TRPM3: variants seen among roughly 807,000 people sequenced by gnomAD.
The protein encoded by TRPM3 is transient receptor potential cation channel subfamily M member 3, also known as long transient receptor potential channel 3.
A neutral mutation model predicts 181.2 loss-of-function variants in TRPM3; 77 were observed. The ratio of observed to expected loss-of-function variants is 0.42; its 90% CI spans 0.35 to 0.51. The LOEUF (loss-of-function observed/expected upper bound fraction) is 0.51, where lower values mean the gene tolerates loss of function less well. Ranked by LOEUF, TRPM3 falls within the 20% of genes least tolerant of loss-of-function variation. The pLI is 0.01. For synonymous variants in TRPM3, 745 were observed against 796.4 expected (o/e 0.94, Z 1.09); for missense variants, 1,759 against 2,196.7 (o/e 0.80, Z 3.98).
intron 9 of TRPM3, among the ~76,000 whole-genome samples, chr9:70,654,714 G>A (rs1456524720): frequency 4.8e-5 from 7 of 144,794 alleles, no homozygotes; most frequent in East Asian, 2.1e-4. Flanking sequence ...GTGGAGTCTC[G>A]CTCTGTCACC....
intron 5 of TRPM3, among the ~76,000 whole-genome samples, chr9:70,838,136 T>A (rs973325007): frequency 6.6e-6 from 1 of 152,192 alleles, no homozygotes; most frequent in African/African-American, 2.4e-5. Flanking sequence ...AGAGTTTAAG[T>A]GGCATGTCAA....
chr9:71,086,992 G>A (rs948251945), intron 1 of TRPM3, among the ~76,000 whole-genome samples: 13 of 151,916 alleles, frequency 8.6e-5, no homozygotes, highest in Admixed American at 5.3e-4. Context: ...TGAAACTACC[G>A]AATTTCCTGC....
At chr9:71,436,409 T>C (rs924660231) in intron 1 of TRPM3, among the ~76,000 whole-genome samples, 4 of 150,780 alleles carry the variant, frequency 2.7e-5, no homozygotes, top group Middle Eastern at 3.4e-3. Context: ...TTCGAGCGAT[T>C]CCCCTGCCTC....
At chr9:71,176,927 A>G (rs945469960) in intron 1 of TRPM3, among the ~76,000 whole-genome samples, 1 of 152,126 alleles carries the variant, frequency 6.6e-6, no homozygotes, top group Non-Finnish European at 1.5e-5. Flanking sequence ...CCCCTGGGCC[A>G]TGGACGAGTA....
chr9:70,615,809 G>A, intron 18 of TRPM3, 99 bp downstream of exon 18: 2 of 1,240,570 alleles, frequency 1.6e-6, no homozygotes, highest in Non-Finnish European at 2.2e-6. Context: ...GCTGGGAACA[G>A]ATGTCTGACC....
chr9:70,755,453 C>T (rs973351485), intron 8 of TRPM3, among the ~76,000 whole-genome samples: 5 of 151,930 alleles, frequency 3.3e-5, no homozygotes, highest in African/African-American at 4.8e-5. Context: ...TCACTGCAAC[C>T]TCTGCCTCCC....
chr9:70,789,858 T>C (rs2084924805), intron 6 of TRPM3, among the ~76,000 whole-genome samples: 1 of 152,222 alleles, frequency 6.6e-6, no homozygotes, highest in South Asian at 2.1e-4. Flanking sequence ...ACATTTTGTT[T>C]CAACTGCTAG....
chr9:70,799,755 A>T (rs1385647364), intron 6 of TRPM3, among the ~76,000 whole-genome samples: 1 of 152,208 alleles, frequency 6.6e-6, no homozygotes, highest in Non-Finnish European at 1.5e-5. Flanking sequence ...TTGGTAAAAA[A>T]TGTCTGCTAC....
At chr9:71,096,017 T>C (rs1029342363) in intron 1 of TRPM3, among the ~76,000 whole-genome samples, 1 of 152,118 alleles carries the variant, frequency 6.6e-6, no homozygotes, top group African/African-American at 2.4e-5. Flanking sequence ...GAGACCACCT[T>C]GGCTTTATCC....
intron 1 of TRPM3, among the ~76,000 whole-genome samples, chr9:70,892,134 A>T (rs1286726015): frequency 6.6e-6 from 1 of 152,210 alleles, no homozygotes; most frequent in Non-Finnish European, 1.5e-5. Context: ...CTCAGAATGA[A>T]TCGCCCATGT....
chr9:71,109,192 C>T (rs1234166324), intron 1 of TRPM3, among the ~76,000 whole-genome samples: 1 of 152,108 alleles, frequency 6.6e-6, no homozygotes, highest in Non-Finnish European at 1.5e-5. Context: ...AGCCTGCTGG[C>T]CTCCCTCATC....
At chr9:71,319,321 G>A (rs1045660748) in intron 1 of TRPM3, among the ~76,000 whole-genome samples, 1 of 152,110 alleles carries the variant, frequency 6.6e-6, no homozygotes, top group Admixed American at 6.6e-5. Context: ...GGAGGCCTAG[G>A]AAAGCCAGGG....
intron 1 of TRPM3, among the ~76,000 whole-genome samples, chr9:71,292,553 G>A (rs2085906172): frequency 6.6e-6 from 1 of 151,876 alleles, no homozygotes; most frequent in Non-Finnish European, 1.5e-5. Context: ...ATTATTAAAA[G>A]TGACTTAAGT....
intron 1 of TRPM3, among the ~76,000 whole-genome samples, chr9:71,248,580 G>T (rs944284664): frequency 2.8e-4 from 42 of 152,104 alleles, no homozygotes; most frequent in Non-Finnish European, 4.4e-5. Context: ...TTTTAATTTT[G>T]TTGAGGTTTG....
At chr9:70,588,181 C>G (rs1011796447) in intron 22 of TRPM3, among the ~76,000 whole-genome samples, 9 of 152,280 alleles carry the variant, frequency 5.9e-5, no homozygotes, top group African/African-American at 2.2e-4. Flanking sequence ...GGAAAGTAAC[C>G]TTAGAAGTTT....
At chr9:71,223,949 G>GA (rs1433602674) in intron 1 of TRPM3, among the ~76,000 whole-genome samples, 1 of 152,216 alleles carries the variant, frequency 6.6e-6, no homozygotes, top group Non-Finnish European at 1.5e-5. Context: ...ACCTGTCTGG[G>GA]ACTCAGGAGG....
At chr9:70,669,934 AC>A (rs2062605508) in intron 9 of TRPM3, among the ~76,000 whole-genome samples, 1 of 151,884 alleles carries the variant, frequency 6.6e-6, no homozygotes, top group Admixed American at 6.6e-5. Context: ...ATGGCATATC[AC>A]CATGTTTCCC....
intron 1 of TRPM3, among the ~76,000 whole-genome samples, chr9:71,026,520 T>C (rs1054188397): frequency 2.6e-5 from 4 of 152,144 alleles, no homozygotes; most frequent in Non-Finnish European, 5.9e-5. Context: ...CAGCCATGTT[T>C]GCAGAGGAAC....
intron 1 of TRPM3, among the ~76,000 whole-genome samples, chr9:71,413,876 C>G (rs2093599509): frequency 6.8e-6 from 1 of 147,118 alleles, no homozygotes; most frequent in African/African-American, 2.5e-5. Flanking sequence ...TTTTTTTAAA[C>G]TACCCAGTCT....
Sources: allele counts gnomAD v4.1 joint callset (sites outside exome capture counted in the v4.1 genomes callset), GRCh38; gene constraint gnomAD v4.1.1; transcripts MANE v1.5; gene names NCBI Gene and HGNC (gene_info 2026-07-23, HGNC 2026-07-21).